The following NAT16 variants were observed in gnomAD, a reference collection of about 807,000 sequenced individuals.
NAT16 encodes probable N-acetyltransferase 16.
Under a neutral mutation model 15.9 loss-of-function variants are expected in NAT16, and 16 were observed. The ratio of observed to expected loss-of-function variants is 1.01; its 90% CI spans 0.68 to 1.53. NAT16 has a LOEUF of 1.53. Among genes scored for constraint, NAT16 ranks in the 40% most tolerant of loss-of-function variants. NAT16 has a pLI of 0.00. For synonymous variants in NAT16, 260 were observed against 241.9 expected (o/e 1.07, Z -0.69); for missense variants, 572 against 508.4 (o/e 1.13, Z -1.20).
Position 101,174,484 on chromosome 7 carries a change from C to T in NAT16, c.312+12G>A, listed in dbSNP as rs771938501. 6.2e-6 allele frequency: 10 copies of T among 1,604,190 alleles called. No homozygotes were observed. Among genetic ancestry groups the T allele is most frequent in the South Asian group, 2.2e-5 (2 of 90,046 alleles). On this transcript the variant is annotated intron_variant, in intron 2 of 3. Coordinates refer to ENST00000300303, the MANE Select transcript of NAT16 (RefSeq NM_198571.3). ...TCACCCCATGTCACCTGGGCCGTGC[C>T]CCCGGGCTCACCACGCCTCCGTTGC...
chr7:101,172,337 G>A lies in NAT16; in HGVS notation c.852C>T (p.Phe284=), dbSNP rs1410527406. 1.9e-6 allele frequency: 3 copies of A among 1,600,214 alleles called. No individual in the cohort carries two copies. Residue 284 remains phenylalanine (F), a synonymous_variant, in exon 4 of 4, where the codon TTC becomes TTT. Coordinates refer to ENST00000300303, the MANE Select transcript of NAT16 (RefSeq NM_198571.3). The surrounding 1 kb of genome is among the most constrained non-coding windows in gnomAD (Gnocchi z 4.2). ...PRVLTLCTRP[F]PIPHGGDGTW... is the part of the protein sequence containing the mutation. ...TGCCGTCCCCTCCGTGCGGGATGGG[G>A]AAGGGGCGCGTGCACAGCGTGAGCA...
intron 2 of NAT16, chr7:101,174,245 G>T: frequency 2.0e-6 from 1 of 496,170 alleles, no homozygotes; most frequent in South Asian, 3.8e-5. Context: ...AAATTCCTCC[G>T]GTGGATCCTC....
At position 101,170,749 on chromosome 7, in the gene NAT16, C is replaced by A. The variant is rs1797301312; in HGVS notation, c.*1330G>T. The A allele has an allele frequency of 6.6e-6, 1 of 152,484 alleles. No homozygotes were observed. The highest frequency in any genetic ancestry group is 1.5e-5 in the Non-Finnish European group (1 of 68,108). 9.4% of individuals were successfully genotyped at this position (152,484 alleles called of 1,614,324 possible). A position where few individuals can be genotyped will look rare whatever the true frequency, so the allele number is the denominator to read the frequency against. The stretch of plus-strand genomic sequence containing the variant: ...ACTCACTGTCAACATTCTCCTAGCA[C>A]CTACGCATTGCCCAACAAGAAGTTC... On this transcript the variant is annotated 3_prime_UTR_variant, in exon 4 of 4. Coordinates refer to ENST00000300303, the MANE Select transcript of NAT16 (RefSeq NM_198571.3).
At chr7:101,176,098 C>T (rs1797459126) in intron 1 of NAT16, among the ~76,000 whole-genome samples, 1 of 152,168 alleles carries the variant, frequency 6.6e-6, no homozygotes, top group Middle Eastern at 3.2e-3. Flanking sequence ...GCTACAATCC[C>T]AGCCAGGGCC....
At position 101,172,580 on chromosome 7, in the gene NAT16, C is replaced by G. The variant is rs1251410966; in HGVS notation, c.609G>C (p.Arg203=). The change falls in exon 4 of 4, where the codon CGG becomes CGC. Residue 203 remains arginine, a synonymous_variant. Transcript: ENST00000300303. The surrounding 1 kb of genome is among the most constrained non-coding windows in gnomAD (Gnocchi z 4.2). ...GCAGCGGCGAGAAGGTGCCAGAGGT[C>G]CGCAGCGCCGCCAGCCGCGCGCCCA... ...AGLGARLAAL[R]TSGTFSPLPT... is the part of the protein sequence containing the mutation. 2.0e-6 allele frequency: 3 copies of G among 1,531,370 alleles called. No homozygotes were observed. The highest frequency in any genetic ancestry group is 1.7e-6 in the Non-Finnish European group (2 of 1,147,888). The allele number at this position is 1,531,370 out of a possible 1,614,324, so 94.9% of individuals were successfully genotyped here.
chr7:101,172,595 C>T lies in NAT16; in HGVS notation c.594G>A (p.Arg198=), dbSNP rs770322334. 2.6e-6 allele frequency: 4 copies of T among 1,528,718 alleles called. No homozygotes were observed. Among genetic ancestry groups the T allele is most frequent in the Middle Eastern group, 1.8e-4 (1 of 5,550 alleles). The allele number at this position is 1,528,718 out of a possible 1,614,324, so 94.7% of individuals were successfully genotyped here. ...TGCCAGAGGTCCGCAGCGCCGCCAG[C>T]CGCGCGCCCAGCCCGGCCAGCAGCG... ...ASALLAGLGA[R]LAALRTSGTF... is the part of the protein sequence containing the mutation. The change falls in exon 4 of 4, where the codon CGG becomes CGA. Residue 198 remains arginine, a synonymous_variant. Transcript: ENST00000300303. The surrounding 1 kb of genome is among the most constrained non-coding windows in gnomAD (Gnocchi z 4.2).
chr7:101,175,741 A>G (rs1229939834), intron 1 of NAT16, among the ~76,000 whole-genome samples: 1 of 152,114 alleles, frequency 6.6e-6, no homozygotes, highest in Non-Finnish European at 1.5e-5. Flanking sequence ...CAGCCTGGGC[A>G]ATATAGTGAG....
rs1554368926 is a variant in NAT16, at chr7:101,172,053, T to A, written c.*26A>T. ...AACTGCGGAAGGGGGCGGGTCTTTTTCCCCCTCCCCGCCAGAGGAGAGGCC... is the reference window on the plus strand; with the variant it reads ...AACTGCGGAAGGGGGCGGGTCTTTTACCCCCTCCCCGCCAGAGGAGAGGCC... On this transcript the variant is annotated 3_prime_UTR_variant, in exon 4 of 4. Coordinates refer to ENST00000300303, the MANE Select transcript of NAT16 (RefSeq NM_198571.3). This position sits in a 1 kb window ranked among gnomAD's most constrained non-coding sequence, Gnocchi z 4.2. 2 of 1,517,124 alleles carry A rather than the reference T, an allele frequency of 1.3e-6. No individual in the cohort carries two copies. Among genetic ancestry groups the A allele is most frequent in the Admixed American group, 1.9e-5 (1 of 52,498 alleles). The allele number at this position is 1,517,124 out of a possible 1,614,324, so 94.0% of individuals were successfully genotyped here. A position where few individuals can be genotyped will look rare whatever the true frequency, so the allele number is the denominator to read the frequency against.
At position 101,172,105 on chromosome 7, in the gene NAT16, G is replaced by C; in HGVS notation, c.1084C>G (p.Gln362Glu). Residue 362 changes from glutamine (Q) to glutamate (E), a missense_variant, in exon 4 of 4, where the codon CAG (glutamine) becomes GAG (glutamate). Gln to Glu is a conservative substitution (Grantham distance 29). Transcript: ENST00000300303. The surrounding 1 kb of genome is among the most constrained non-coding windows in gnomAD (Gnocchi z 4.2). ...GLELVKGYTE[Q>E]YLLEADI is the part of the protein sequence containing the mutation. ...CAGATGTCGGCCTCCAGCAGGTACTGTTCAGTATAACCCTTCACCAGCTCC... is the reference window on the plus strand; with the variant it reads ...CAGATGTCGGCCTCCAGCAGGTACTCTTCAGTATAACCCTTCACCAGCTCC... The C allele has an allele frequency of 5.0e-6, 8 of 1,613,764 alleles. No homozygotes were observed. Among genetic ancestry groups the C allele is most frequent in the Non-Finnish European group, 6.8e-6 (8 of 1,179,742 alleles).
In NAT16 at chr7:101,172,800, C is replaced by T. The variant is rs1428475020; in HGVS notation, c.538-149G>A. On this transcript the variant is annotated intron_variant, in intron 3 of 3. Coordinates refer to ENST00000300303, the MANE Select transcript of NAT16 (RefSeq NM_198571.3). This position sits in a 1 kb window ranked among gnomAD's most constrained non-coding sequence, Gnocchi z 4.2. ...AGGAGCGACCGTGAGGGCTCCGGGC[C>T]GAGTGGGGTATGGGAAAGCCTGGGT... 2 of 645,802 alleles carry T rather than the reference C, an allele frequency of 3.1e-6. No individual in the cohort carries two copies. Among genetic ancestry groups the T allele is most frequent in the African/African-American group, 2.0e-5 (1 of 50,918 alleles). The allele number at this position is 645,802 out of a possible 1,614,324, so 40.0% of individuals were successfully genotyped here.
rs1231213480 is a variant in NAT16 at position 101,174,769 on chromosome 7, C to T, written c.39G>A (p.Glu13=). The T allele has an allele frequency of 6.9e-6, 11 of 1,590,500 alleles. No homozygotes were observed. Among genetic ancestry groups the T allele is most frequent in the Non-Finnish European group, 9.4e-6 (11 of 1,169,766 alleles). Residue 13 remains glutamate, a synonymous_variant, in exon 2 of 4, where the codon GAG becomes GAA. Coordinates refer to ENST00000300303, the MANE Select transcript of NAT16 (RefSeq NM_198571.3). The part of the protein sequence containing the change: ...LEASCGTATS[E]VPKPEKKTAR... ...CAGTCTTCTTTTCCGGCTTAGGGAC[C>T]TCTGAGGTGGCTGTGCCACAGCTGG...
At chr7:101,177,468 G>A (rs1276729301) in intron 1 of NAT16, among the ~76,000 whole-genome samples, 4 of 151,610 alleles carry the variant, frequency 2.6e-5, no homozygotes, top group Non-Finnish European at 5.9e-5. Context: ...TTAGCCTCCC[G>A]AGTAGCTAGG....
intron 1 of NAT16, 59 bp downstream of exon 1, chr7:101,179,983 C>T (rs1797556004): frequency 6.6e-6 from 1 of 152,332 alleles, no homozygotes; most frequent in Admixed American, 6.5e-5. Flanking sequence ...CTGCCCCATT[C>T]TGCGGTGGAG....
chr7:101,178,760 G>A (rs1162279918), intron 1 of NAT16, among the ~76,000 whole-genome samples: 1 of 145,592 alleles, frequency 6.9e-6, no homozygotes, highest in Non-Finnish European at 1.5e-5. Flanking sequence ...GCGTGCTGGC[G>A]CATTCCTGTA....
intron 1 of NAT16, among the ~76,000 whole-genome samples, chr7:101,176,615 T>C (rs998974239): frequency 2.3e-5 from 3 of 132,888 alleles, no homozygotes; most frequent in Non-Finnish European, 3.1e-5. Context: ...TAGGGAGACT[T>C]GGGCTCTGTC....
chr7:101,175,558 A>G (rs1175384612), intron 1 of NAT16, among the ~76,000 whole-genome samples: 1 of 151,802 alleles, frequency 6.6e-6, no homozygotes, highest in African/African-American at 2.4e-5. Flanking sequence ...ACCCTGTGAG[A>G]TCCCCATAGA....
chr7:101,179,672 G>A (rs1333808014), intron 1 of NAT16, among the ~76,000 whole-genome samples: 2 of 151,174 alleles, frequency 1.3e-5, no homozygotes, highest in Non-Finnish European at 1.5e-5. Context: ...AGTGGAGAAG[G>A]GGGGGCTGTC....
rs1255593367 is a variant in NAT16, at chr7:101,172,489, G to A, written c.700C>T (p.Arg234Cys). 2.5e-6 allele frequency: 4 copies of A among 1,596,938 alleles called. 1 individual carries two copies. In the South Asian group the frequency reaches 3.3e-5, roughly 13 times the overall value. The change falls in exon 4 of 4, where the codon CGC (arginine) becomes TGC (cysteine). Residue 234 changes from arginine to cysteine, a missense_variant. By Grantham distance (180) the Arg-to-Cys change is radical. Coordinates refer to ENST00000300303, the MANE Select transcript of NAT16 (RefSeq NM_198571.3). The surrounding 1 kb of genome is among the most constrained non-coding windows in gnomAD (Gnocchi z 4.2). ...ATGGTCCCGCCTGGAAGCACGTCGC[G>A]CTGCACGGAGGGTGACAGCAGGAGG... ...ARLLLSPSVQ[R>C]DVLPGGTIIQ...
At chr7:101,175,354 C>T (rs2116730277) in intron 1 of NAT16, among the ~76,000 whole-genome samples, 1 of 152,098 alleles carries the variant, frequency 6.6e-6, no homozygotes, top group East Asian at 1.9e-4. Flanking sequence ...GATCCTCCTA[C>T]CTTGGACTCC....
Sources: allele counts gnomAD v4.1 joint callset (sites outside exome capture counted in the v4.1 genomes callset), GRCh38; gene constraint gnomAD v4.1.1; non-coding constraint Gnocchi (gnomAD v3.1); transcripts MANE v1.5; gene names NCBI Gene and HGNC (gene_info 2026-07-23, HGNC 2026-07-21).